Variants in GALNT10 observed in about 807,000 individuals in gnomAD.
GALNT10 encodes GalNAc transferase 10.
Under a neutral mutation model 75.0 loss-of-function variants are expected in GALNT10, and 41 were observed. The ratio of observed to expected loss-of-function variants is 0.55; its 90% CI spans 0.43 to 0.71. The LOEUF (loss-of-function observed/expected upper bound fraction) is 0.71, where lower values mean the gene tolerates loss of function less well. GALNT10 is among the 30% of genes least tolerant of loss of function. The probability of loss-of-function intolerance (pLI) is 0.00; values close to 1 mark genes in which losing one functional copy is unlikely to be tolerated. For synonymous variants in GALNT10, 302 were observed against 313.0 expected (o/e 0.96, Z 0.37); for missense variants, 727 against 818.5 (o/e 0.89, Z 1.36).
chr5:154,198,998 C>T (rs1212352772), intron 1 of GALNT10, among the ~76,000 whole-genome samples: 2 of 152,214 alleles, frequency 1.3e-5, no homozygotes, highest in African/African-American at 4.8e-5. Context: ...AGACTGTCTG[C>T]TTCCTAAAGG....
At chr5:154,415,410 T>C (rs1248075210) in intron 10 of GALNT10, among the ~76,000 whole-genome samples, 1 of 152,116 alleles carries the variant, frequency 6.6e-6, no homozygotes, top group East Asian at 1.9e-4. Flanking sequence ...CAGTCTCGGC[T>C]CACTGCAACG....
chr5:154,386,418 A>G lies in GALNT10; in HGVS notation c.1044A>G (p.Glu348=), dbSNP rs1166948410. ...GLEIWGGEQY[E]ISFKVWMCGG... The stretch of plus-strand genomic sequence containing the variant: ...AGATCTGGGGAGGGGAGCAGTATGA[A>G]ATCTCCTTCAAGGTGAGCCAGCTCT... Residue 348 remains glutamate (E), a synonymous_variant, in exon 7 of 12, where the codon GAA becomes GAG. Transcript: ENST00000297107. The G allele has an allele frequency of 1.9e-6, 3 of 1,606,852 alleles. No individual in the cohort carries two copies. The Admixed American group carries it at 5.0e-5, about 27-fold the overall frequency.
At chr5:154,207,335 A>T (rs115021023) in intron 1 of GALNT10, among the ~76,000 whole-genome samples, 1,545 of 152,144 alleles carry the variant, frequency 0.01, 19 homozygotes, top group African/African-American at 0.035. Context: ...CTGTCCTGGG[A>T]GCACCTCTGC....
chr5:154,380,904 A>G (rs903638505), intron 6 of GALNT10, among the ~76,000 whole-genome samples: 1 of 152,014 alleles, frequency 6.6e-6, no homozygotes, highest in African/African-American at 2.4e-5. Flanking sequence ...TGGGTCTCTC[A>G]TGCTCTCTTC....
rs12523339 is a variant in GALNT10, at chr5:154,334,860, C to A, written c.568+5122C>A. ...GCCCGTTAGTTCACATGGTAGTGAG[C>A]TCACCTCACCCATGAGGCCAGGGTC... On this transcript the variant is annotated intron_variant, in intron 4 of 11. Coordinates refer to ENST00000297107, the MANE Select transcript of GALNT10 (RefSeq NM_198321.4). Among the ~76,000 whole-genome samples, 5 of 152,114 alleles carry A rather than the reference C, an allele frequency of 3.3e-5. No individual in the cohort carries two copies. The South Asian group carries it at 1.0e-3, about 32-fold the overall frequency.
At chr5:154,347,113 T>C (rs771964090) in intron 4 of GALNT10, 1 of 511,046 alleles carries the variant, frequency 2.0e-6, no homozygotes, top group Non-Finnish European at 4.0e-6. Context: ...TAACACCTAA[T>C]GTGTGCCAAG....
intron 10 of GALNT10, among the ~76,000 whole-genome samples, chr5:154,415,227 A>G (rs1756480303): frequency 6.6e-6 from 1 of 152,230 alleles, no homozygotes; most frequent in African/African-American, 2.4e-5. Context: ...AATGGCACTT[A>G]CTGAAGTGTT....
At chr5:154,296,494 C>T (rs902798011) in intron 2 of GALNT10, among the ~76,000 whole-genome samples, 2 of 152,178 alleles carry the variant, frequency 1.3e-5, no homozygotes, top group Non-Finnish European at 2.9e-5. Context: ...ACAAGAGTAA[C>T]GAGCAGTGGA....
chr5:154,244,693 C>A (rs1031243986), intron 1 of GALNT10, among the ~76,000 whole-genome samples: 1 of 152,144 alleles, frequency 6.6e-6, no homozygotes, highest in Non-Finnish European at 1.5e-5. Context: ...TAAAGGGGAA[C>A]AGGTGCTGTG....
At chr5:154,346,068 G>A (rs987861167) in intron 4 of GALNT10, among the ~76,000 whole-genome samples, 1 of 151,072 alleles carries the variant, frequency 6.6e-6, no homozygotes, top group Non-Finnish European at 1.5e-5. Context: ...CAAAGTGCCT[G>A]GGATTACAGG....
At chr5:154,315,840 A>ATGG (rs1275115911) in intron 3 of GALNT10, among the ~76,000 whole-genome samples, 1 of 152,220 alleles carries the variant, frequency 6.6e-6, no homozygotes, top group African/African-American at 2.4e-5. Flanking sequence ...TTGGACCAAG[A>ATGG]TGGTACCTGA....
At chr5:154,382,375 T>C (rs1253853031) in intron 6 of GALNT10, among the ~76,000 whole-genome samples, 2 of 152,234 alleles carry the variant, frequency 1.3e-5, no homozygotes, top group Non-Finnish European at 2.9e-5. Context: ...TTAGATCCCT[T>C]CCTGGTCCAA....
intron 4 of GALNT10, chr5:154,337,541 G>C: frequency 2.7e-6 from 2 of 750,102 alleles, no homozygotes; most frequent in Admixed American, 3.4e-5. Context: ...ATGGTTTGGC[G>C]AAGTATTGGC....
rs1754002268 is a variant in GALNT10, at chr5:154,279,298, TGTTTTG to T, written c.160-15517_160-15512del. 2.8e-5 allele frequency among the ~76,000 whole-genome samples: 4 copies of T among 143,072 alleles called. 1 individual carries two copies. The highest frequency in any genetic ancestry group is 1.4e-4 in the Admixed American group (2 of 14,686). 93.9% of individuals were successfully genotyped at this position (143,072 alleles called of 152,430 possible). A position where few individuals can be genotyped will look rare whatever the true frequency, so the allele number is the denominator to read the frequency against. On this transcript the variant is annotated intron_variant, in intron 1 of 11. Transcript: ENST00000297107. ...TTTTTGTTGTTGTTGTTGTTGTTGTTGTTTTGTTTTTTTTTTTTTTTTGAGATGGAG... is the reference window on the plus strand; with the variant it reads ...TTTTTGTTGTTGTTGTTGTTGTTGTTTTTTTTTTTTTTTTTTGAGATGGAG...
At chr5:154,321,134 T>G (rs141174785) in intron 3 of GALNT10, among the ~76,000 whole-genome samples, 1 of 152,292 alleles carries the variant, frequency 6.6e-6, no homozygotes, top group African/African-American at 2.4e-5. Flanking sequence ...CTTGATCACA[T>G]CTCTATCTAA....
intron 1 of GALNT10, among the ~76,000 whole-genome samples, chr5:154,228,693 A>G (rs1044754336): frequency 5.3e-5 from 8 of 152,174 alleles, no homozygotes; most frequent in Admixed American, 6.5e-5. Context: ...GGGAGTCCCA[A>G]TTGTATGTGG....
chr5:154,210,703 A>C (rs1775183276), intron 1 of GALNT10, among the ~76,000 whole-genome samples: 1 of 152,254 alleles, frequency 6.6e-6, no homozygotes, highest in Non-Finnish European at 1.5e-5. Flanking sequence ...TGATGAGTGA[A>C]AAAAGGAATA....
At chr5:154,390,762 A>G (rs1307854596) in intron 7 of GALNT10, among the ~76,000 whole-genome samples, 1 of 152,224 alleles carries the variant, frequency 6.6e-6, no homozygotes, top group East Asian at 1.9e-4. Flanking sequence ...AGGAATTTCT[A>G]AACCAGCCCA....
At chr5:154,293,613 A>ATTTTTTTTTTTTTTTTTTT (rs1201863629) in intron 1 of GALNT10, among the ~76,000 whole-genome samples, 133 of 109,384 alleles carry the variant, frequency 1.2e-3, no homozygotes, top group Admixed American at 2.8e-3. Context: ...ATATATATAT[A>ATTTTTTTTTTTTTTTTTTT]TTTTTTTTTT....
Sources: gnomAD v4.1 joint callset for allele counts (sites outside exome capture counted in the v4.1 genomes callset) on GRCh38, gnomAD v4.1.1 for gene constraint, MANE v1.5 for transcripts, NCBI Gene and HGNC (gene_info 2026-07-23, HGNC 2026-07-21) for gene names.